PCGF5: variants seen among roughly 807,000 people sequenced by gnomAD.
PCGF5 encodes polycomb group RING finger protein 5.
Under a neutral mutation model 44.3 loss-of-function variants are expected in PCGF5, and 9 were observed. The observed-to-expected ratio is 0.20, with a 90% CI of 0.12 to 0.35. The LOEUF is 0.35. Among genes scored for constraint, PCGF5 ranks in the 10% least tolerant of loss-of-function variants. PCGF5 has a pLI of 1.00. For synonymous variants in PCGF5, 95 were observed against 102.5 expected (o/e 0.93, Z 0.44); for missense variants, 146 against 305.3 (o/e 0.48, Z 3.89).
intron 1 of PCGF5, among the ~76,000 whole-genome samples, chr10:91,190,050 A>G (rs1012551442): frequency 1.3e-5 from 2 of 152,228 alleles, no homozygotes; most frequent in Non-Finnish European, 2.9e-5. Context: ...TATGGTTTAT[A>G]TACAATAGAA....
intron 1 of PCGF5, among the ~76,000 whole-genome samples, chr10:91,184,347 C>G (rs1409114743): frequency 6.6e-6 from 1 of 152,074 alleles, no homozygotes; most frequent in East Asian, 1.9e-4. Context: ...GTGGTCTATT[C>G]TGATATTAAT....
intron 1 of PCGF5, among the ~76,000 whole-genome samples, chr10:91,198,629 G>A (rs989232516): frequency 2.0e-5 from 3 of 152,158 alleles, no homozygotes; most frequent in Admixed American, 6.5e-5. Context: ...TCTGTCCTTC[G>A]ATCTTCTTGG....
At chr10:91,270,135 T>G (rs1846144352) in intron 8 of PCGF5, among the ~76,000 whole-genome samples, 1 of 152,240 alleles carries the variant, frequency 6.6e-6, no homozygotes, top group Non-Finnish European at 1.5e-5. Flanking sequence ...TGTCAATATC[T>G]CTATCCAGCC....
At chr10:91,232,239 T>A (rs1156462641) in intron 2 of PCGF5, among the ~76,000 whole-genome samples, 1 of 152,192 alleles carries the variant, frequency 6.6e-6, no homozygotes, top group Non-Finnish European at 1.5e-5. Context: ...GGTGGTCTTT[T>A]CAAGAGCAGT....
intron 1 of PCGF5, among the ~76,000 whole-genome samples, chr10:91,175,665 T>TA (rs1166897057): frequency 2.6e-5 from 4 of 151,924 alleles, no homozygotes; most frequent in Admixed American, 6.5e-5. Flanking sequence ...TGAACAACAA[T>TA]AAAAAAATCA....
chr10:91,284,192 G>A lies in PCGF5; in HGVS notation c.*5876G>A, dbSNP rs1463798248. 6.6e-6 allele frequency: 1 copy of A among 151,022 alleles called. No homozygotes were observed. Among genetic ancestry groups the A allele is most frequent in the Non-Finnish European group, 1.5e-5 (1 of 67,692 alleles). 9.4% of individuals were successfully genotyped at this position (151,022 alleles called of 1,614,324 possible). A position where few individuals can be genotyped will look rare whatever the true frequency, so the allele number is the denominator to read the frequency against. Reference sequence around the variant, plus strand: ...GCTAGATACTTTTTTTTTTTAATCTGGACTTAGCCAAGTATATTTCACCAT... The same window carrying A: ...GCTAGATACTTTTTTTTTTTAATCTAGACTTAGCCAAGTATATTTCACCAT... On this transcript the variant is annotated 3_prime_UTR_variant, in exon 10 of 10. Transcript: ENST00000336126.
chr10:91,229,442 A>G (rs973095232), intron 2 of PCGF5, among the ~76,000 whole-genome samples: 4 of 152,222 alleles, frequency 2.6e-5, no homozygotes, highest in African/African-American at 9.6e-5. Flanking sequence ...AGGGAAGAGT[A>G]TTTCAGATTC....
At chr10:91,242,008 G>A (rs554606497) in intron 3 of PCGF5, among the ~76,000 whole-genome samples, 1 of 152,152 alleles carries the variant, frequency 6.6e-6, no homozygotes, top group South Asian at 2.1e-4. Flanking sequence ...GCTAATATAT[G>A]CTAACATTTG....
rs544721889 is a variant in PCGF5, at chr10:91,171,220, C to T, written c.-184+8139C>T. ...AGAAGAATACAAAATACAGATGTGG[C>T]ATGGAGGAAGAAAGAAGTTAGATGA... On this transcript the variant is annotated intron_variant, in intron 1 of 9. Transcript: ENST00000614189. 3.3e-4 allele frequency among the ~76,000 whole-genome samples: 51 copies of T among 152,262 alleles called. No homozygotes were observed. The South Asian group carries it at 0.01, about 31-fold the overall frequency.
At chr10:91,233,566 T>A (rs1845070258) in intron 2 of PCGF5, among the ~76,000 whole-genome samples, 1 of 152,022 alleles carries the variant, frequency 6.6e-6, no homozygotes, top group East Asian at 1.9e-4. Context: ...TATACATACA[T>A]AAGAGAATAA....
intron 1 of PCGF5, among the ~76,000 whole-genome samples, chr10:91,167,919 A>G (rs557804435): frequency 8.5e-5 from 13 of 152,332 alleles, no homozygotes; most frequent in East Asian, 3.9e-4. Flanking sequence ...CTTGTTGGCA[A>G]TTGGATGTAG....
At chr10:91,219,184 A>ACTG (rs1276006769), upstream of PCGF5, among the ~76,000 whole-genome samples, 1 of 152,132 alleles carries the variant, frequency 6.6e-6, no homozygotes, top group African/African-American at 2.4e-5. Flanking sequence ...ATCCTCAGGT[A>ACTG]CTGCTGTATC....
At chr10:91,164,980 G>A (rs973636350) in intron 1 of PCGF5, among the ~76,000 whole-genome samples, 6 of 152,220 alleles carry the variant, frequency 3.9e-5, no homozygotes, top group Admixed American at 6.5e-5. Context: ...CTAGCACCTA[G>A]AACAGTGCCT....
intron 1 of PCGF5, among the ~76,000 whole-genome samples, chr10:91,173,292 G>C (rs531159174): frequency 6.6e-5 from 10 of 152,098 alleles, no homozygotes; most frequent in Non-Finnish European, 1.3e-4. Flanking sequence ...CTTTTCTCTT[G>C]TTATCCCTGT....
intron 1 of PCGF5, among the ~76,000 whole-genome samples, chr10:91,222,367 G>A (rs1353508037): frequency 6.6e-6 from 1 of 152,160 alleles, no homozygotes. Flanking sequence ...CTTTTAACTT[G>A]TATTGGCAGG....
At chr10:91,172,876 A>G (rs1269979111) in intron 1 of PCGF5, among the ~76,000 whole-genome samples, 2 of 152,222 alleles carry the variant, frequency 1.3e-5, no homozygotes, top group African/African-American at 4.8e-5. Context: ...GACAGGGACT[A>G]CTAGCTTTGA....
intron 2 of PCGF5, among the ~76,000 whole-genome samples, chr10:91,234,567 G>A (rs537494172): frequency 2.0e-4 from 31 of 152,250 alleles, no homozygotes; most frequent in African/African-American, 6.5e-4. Flanking sequence ...AGTTCCATCG[G>A]CATGATATCT....
chr10:91,270,463 C>T (rs541741187), intron 8 of PCGF5, among the ~76,000 whole-genome samples: 26 of 151,798 alleles, frequency 1.7e-4, no homozygotes, highest in African/African-American at 5.6e-4. Flanking sequence ...CAATGTTATG[C>T]AAAGTCTGAT....
intron 1 of PCGF5, among the ~76,000 whole-genome samples, chr10:91,188,325 G>A (rs1008430450): frequency 1.3e-5 from 2 of 152,170 alleles, no homozygotes; most frequent in Admixed American, 1.3e-4. Context: ...GTGACAGACA[G>A]TACCTGGAAA....
Sources: allele counts gnomAD v4.1 joint callset (sites outside exome capture counted in the v4.1 genomes callset), GRCh38; gene constraint gnomAD v4.1.1; transcripts MANE v1.5; gene names NCBI Gene and HGNC (gene_info 2026-07-23, HGNC 2026-07-21).